The following DLG2 variants were observed in gnomAD, a reference collection of about 807,000 sequenced individuals.
DLG2 encodes the protein discs large MAGUK scaffold protein 2, also known as disks large homolog 2.
DLG2 carries 45 observed loss-of-function variants against 132.5 expected under a neutral mutation model. That is an observed-to-expected ratio of 0.34 (90% CI 0.27 to 0.44). The LOEUF (loss-of-function observed/expected upper bound fraction) is 0.44. Ranked by LOEUF, DLG2 falls within the 20% of genes least tolerant of loss-of-function variation. DLG2 has a pLI of 1.00. For missense variants in DLG2, 1,045 were observed against 1,196.9 expected, an observed-to-expected ratio of 0.87 and a Z score of 1.87; for synonymous variants, 424 against 419.6, an observed-to-expected ratio of 1.01 and a Z score of -0.13.
intron 4 of DLG2, among the ~76,000 whole-genome samples, chr11:85,208,402 C>G (rs977608230): frequency 6.6e-6 from 1 of 151,756 alleles, no homozygotes; most frequent in African/African-American, 2.4e-5. Context: ...GATATGCTAG[C>G]GTATACTAAG....
intron 19 of DLG2, among the ~76,000 whole-genome samples, chr11:83,583,931 C>G (rs2097030770): frequency 2.6e-5 from 4 of 152,090 alleles, no homozygotes; most frequent in Admixed American, 2.6e-4. Flanking sequence ...AGAATTTTGG[C>G]TGACTGGTCA....
chr11:84,323,818 T>C (rs1489835350), intron 7 of DLG2, among the ~76,000 whole-genome samples: 3 of 151,488 alleles, frequency 2.0e-5, no homozygotes, highest in Non-Finnish European at 4.4e-5. Flanking sequence ...ATTAGTGAGG[T>C]TGAGCATTTT....
At chr11:85,104,849 C>T (rs1445424499) in intron 6 of DLG2, among the ~76,000 whole-genome samples, 1 of 106,484 alleles carries the variant, frequency 9.4e-6, no homozygotes, top group African/African-American at 3.7e-5. Context: ...ATTCTGTGTT[C>T]TATTAGATCT....
intron 7 of DLG2, among the ~76,000 whole-genome samples, chr11:84,347,138 T>A (rs1600318572): frequency 6.6e-6 from 1 of 152,062 alleles, no homozygotes; most frequent in Non-Finnish European, 1.5e-5. Flanking sequence ...TTGAATGATA[T>A]GGAAAGTGTC....
chr11:84,820,485 G>A (rs2077547590), intron 6 of DLG2, among the ~76,000 whole-genome samples: 1 of 151,794 alleles, frequency 6.6e-6, no homozygotes. Flanking sequence ...AAGGATACAG[G>A]AAAAATCCCC....
rs1276002914 is a variant in DLG2 at position 83,503,366 on chromosome 11, CATTTATATATATATATAT to C, written c.2194-19156_2194-19139del. Among the ~76,000 whole-genome samples the C allele has an allele frequency of 3.2e-4, 15 of 47,092 alleles. 2 individuals carry two copies. Among genetic ancestry groups the C allele is most frequent in the African/African-American group, 8.3e-4 (15 of 18,132 alleles). The allele number at this position is 47,092 out of a possible 152,430, so 30.9% of individuals were successfully genotyped here. On this transcript the variant is annotated intron_variant, in intron 21 of 27. Coordinates refer to ENST00000376104, the MANE Select transcript of DLG2 (RefSeq NM_001142699.3). ...ATTTATATATATACACACACACACC[CATTTATATATATATATAT>C]ATATATATATATATATATATATATA...
At chr11:85,105,017 C>T (rs758627180) in intron 6 of DLG2, among the ~76,000 whole-genome samples, 3 of 151,634 alleles carry the variant, frequency 2.0e-5, no homozygotes, top group Non-Finnish European at 2.9e-5. Context: ...AAGCTGGGGA[C>T]ACTGAGCATA....
intron 6 of DLG2, among the ~76,000 whole-genome samples, chr11:84,895,498 CTG>C (rs1240964900): frequency 1.3e-5 from 2 of 152,154 alleles, no homozygotes; most frequent in African/African-American, 4.8e-5. Flanking sequence ...CAGAACACTA[CTG>C]TAGACAGAGC....
chr11:83,782,962 AAGGTTTG>A (rs1254364276), intron 18 of DLG2, among the ~76,000 whole-genome samples: 1 of 152,218 alleles, frequency 6.6e-6, no homozygotes, highest in Non-Finnish European at 1.5e-5. Flanking sequence ...TAGGTAATTA[AAGGTTTG>A]ACAATAATTA....
chr11:84,082,158 A>G (rs1223743828), intron 10 of DLG2, among the ~76,000 whole-genome samples: 1 of 152,148 alleles, frequency 6.6e-6, no homozygotes, highest in African/African-American at 2.4e-5. Flanking sequence ...ATACCATAAC[A>G]CAGTCATTTT....
chr11:85,590,645 C>A (rs534459785), intron 3 of DLG2, among the ~76,000 whole-genome samples: 28 of 151,384 alleles, frequency 1.8e-4, no homozygotes, highest in Admixed American at 5.9e-4. Context: ...CTCTCTCTCT[C>A]TCTCTCTATA....
chr11:83,552,684 C>T (rs773112413), intron 19 of DLG2, among the ~76,000 whole-genome samples: 9 of 152,140 alleles, frequency 5.9e-5, no homozygotes, highest in Non-Finnish European at 1.3e-4. Flanking sequence ...TCAGCCTCTC[C>T]CCCTTCCTAA....
chr11:84,558,155 ATTC>A (rs2099415716), intron 6 of DLG2, among the ~76,000 whole-genome samples: 1 of 152,134 alleles, frequency 6.6e-6, no homozygotes, highest in African/African-American at 2.4e-5. Context: ...AAGTGTTATT[ATTC>A]TTATTATTAT....
chr11:84,725,120 G>A (rs553648034), intron 6 of DLG2, among the ~76,000 whole-genome samples: 17 of 152,198 alleles, frequency 1.1e-4, no homozygotes, highest in Non-Finnish European at 2.4e-4. Flanking sequence ...TGGCTTATTC[G>A]AGTGACAGAA....
At chr11:85,054,432 T>C (rs971671295) in intron 6 of DLG2, among the ~76,000 whole-genome samples, 1 of 152,164 alleles carries the variant, frequency 6.6e-6, no homozygotes, top group African/African-American at 2.4e-5. Context: ...AGAATGTAAA[T>C]GAATTCAGCC....
intron 6 of DLG2, among the ~76,000 whole-genome samples, chr11:84,932,357 T>C (rs2048194371): frequency 6.6e-6 from 1 of 152,208 alleles, no homozygotes; most frequent in African/African-American, 2.4e-5. Context: ...GTTAGCACCA[T>C]TATTTACTGA....
intron 8 of DLG2, among the ~76,000 whole-genome samples, chr11:84,202,544 G>T (rs750070746): frequency 2.0e-5 from 3 of 152,090 alleles, no homozygotes; most frequent in Non-Finnish European, 2.9e-5. Flanking sequence ...ATATCATTCA[G>T]GACATAGGCA....
At chr11:83,770,659 T>C (rs1263543867) in intron 18 of DLG2, among the ~76,000 whole-genome samples, 1 of 152,202 alleles carries the variant, frequency 6.6e-6, no homozygotes, top group Non-Finnish European at 1.5e-5. Flanking sequence ...TAAAATAATA[T>C]ACATTATGCT....
chr11:84,796,408 T>C (rs554906020), intron 6 of DLG2, among the ~76,000 whole-genome samples: 1 of 152,344 alleles, frequency 6.6e-6, no homozygotes, highest in African/African-American at 2.4e-5. Context: ...ATCTTTCTAC[T>C]TAAGATATTA....
Sources: allele counts gnomAD v4.1 joint callset (sites outside exome capture counted in the v4.1 genomes callset), GRCh38; gene constraint gnomAD v4.1.1; transcripts MANE v1.5; gene names NCBI Gene and HGNC (gene_info 2026-07-23, HGNC 2026-07-21).